The following CMIP variants were observed in gnomAD, a reference collection of about 807,000 sequenced individuals.
CMIP encodes C-Maf-inducing protein.
A neutral mutation model predicts 97.3 loss-of-function variants in CMIP; 13 were observed. The ratio of observed to expected loss-of-function variants is 0.13; its 90% CI spans 0.09 to 0.21. The LOEUF (loss-of-function observed/expected upper bound fraction) is 0.21. CMIP is among the 10% of genes least tolerant of loss of function. The pLI is 1.00. For synonymous variants in CMIP, 538 were observed against 436.3 expected (o/e 1.23, Z -2.91); for missense variants, 847 against 1,024.9 (o/e 0.83, Z 2.37).
chr16:81,575,301 G>C (rs947971671), intron 1 of CMIP, among the ~76,000 whole-genome samples: 2 of 152,148 alleles, frequency 1.3e-5, no homozygotes, highest in Non-Finnish European at 2.9e-5. Context: ...GGCTTTACCA[G>C]GCTCAGAACA....
chr16:81,646,302 G>A (rs2092364267), intron 3 of CMIP, among the ~76,000 whole-genome samples: 1 of 151,966 alleles, frequency 6.6e-6, no homozygotes, highest in Non-Finnish European at 1.5e-5. Context: ...GCAGATGGAT[G>A]GATGTGTGGG....
chr16:81,494,486 C>T (rs1391139121), intron 1 of CMIP, among the ~76,000 whole-genome samples: 1 of 152,182 alleles, frequency 6.6e-6, no homozygotes, highest in Admixed American at 6.5e-5. Flanking sequence ...CCAGGGACGG[C>T]CAGACAGCTC....
intron 1 of CMIP, among the ~76,000 whole-genome samples, chr16:81,584,018 G>A (rs1339308038): frequency 1.3e-5 from 2 of 152,226 alleles, no homozygotes; most frequent in Non-Finnish European, 2.9e-5. Context: ...GGAAGGTGTG[G>A]AGGAATTGAA....
intron 1 of CMIP, among the ~76,000 whole-genome samples, chr16:81,498,671 C>G (rs2089539251): frequency 6.6e-6 from 1 of 152,198 alleles, no homozygotes; most frequent in Non-Finnish European, 1.5e-5. Context: ...TGTGTGCATG[C>G]ATACACCCCA....
chr16:81,671,944 C>G (rs1402001034), intron 8 of CMIP, 22 bp from the exon 9 acceptor site: 1 of 1,422,342 alleles, frequency 7.0e-7, no homozygotes, highest in Non-Finnish European at 9.8e-7. Flanking sequence ...GCTTCTCACC[C>G]CAGCCCTCTG....
chr16:81,504,929 CACAG>C (rs1349871498), intron 1 of CMIP, among the ~76,000 whole-genome samples: 1 of 152,196 alleles, frequency 6.6e-6, no homozygotes, highest in Non-Finnish European at 1.5e-5. Flanking sequence ...GGTCTTTTCC[CACAG>C]ACAGTTTGGA....
intron 1 of CMIP, among the ~76,000 whole-genome samples, chr16:81,465,266 C>T (rs1432112632): frequency 1.3e-5 from 2 of 152,160 alleles, no homozygotes; most frequent in South Asian, 2.1e-4. Flanking sequence ...TCCATCCATA[C>T]TTGATGATGC....
chr16:81,555,326 C>A (rs902934600), intron 1 of CMIP, among the ~76,000 whole-genome samples: 5 of 151,968 alleles, frequency 3.3e-5, no homozygotes, highest in African/African-American at 9.7e-5. Flanking sequence ...AAATCAAGAA[C>A]CCCCCCTAGA....
At chr16:81,664,417 C>A in intron 7 of CMIP, 68 bp downstream of exon 7, 4 of 1,454,510 alleles carry the variant, frequency 2.8e-6, no homozygotes, top group Non-Finnish European at 3.8e-6. Flanking sequence ...GCCTCCCTGG[C>A]CTTTTGCGTT....
intron 5 of CMIP, among the ~76,000 whole-genome samples, chr16:81,658,521 G>T (rs2092510197): frequency 6.6e-6 from 1 of 152,220 alleles, no homozygotes; most frequent in Non-Finnish European, 1.5e-5. Flanking sequence ...CCCTGGGAAA[G>T]GAGCCAGAAA....
intron 1 of CMIP, among the ~76,000 whole-genome samples, chr16:81,539,997 T>C (rs999912926): frequency 6.6e-6 from 1 of 152,240 alleles, no homozygotes; most frequent in African/African-American, 2.4e-5. Context: ...TATTGGTGAA[T>C]GAGTGACAGA....
At chr16:81,505,459 C>T (rs570649617) in intron 1 of CMIP, among the ~76,000 whole-genome samples, 41 of 152,172 alleles carry the variant, frequency 2.7e-4, no homozygotes, top group Non-Finnish European at 4.4e-4. Context: ...TCAAAGGCAG[C>T]GGGGTCTGTG....
At chr16:81,562,448 A>T (rs1432226290) in intron 1 of CMIP, among the ~76,000 whole-genome samples, 7 of 152,204 alleles carry the variant, frequency 4.6e-5, no homozygotes, top group Non-Finnish European at 1.0e-4. Context: ...CCTCAAGCAA[A>T]TCCATTTGGG....
intron 10 of CMIP, among the ~76,000 whole-genome samples, chr16:81,689,989 G>T (rs898395214): frequency 6.6e-6 from 1 of 152,094 alleles, no homozygotes; most frequent in Non-Finnish European, 1.5e-5. Flanking sequence ...ATTTCTGAGG[G>T]CCCTGTTCTG....
rs570953258 is a variant in CMIP, at chr16:81,582,130, G to T, written c.301-25437G>T. On this transcript the variant is annotated intron_variant, in intron 1 of 20. Coordinates refer to ENST00000537098, the MANE Select transcript of CMIP (RefSeq NM_198390.3). ...CACTATCACGCCAACAATACCAAGAGGGATGGTATTAAATCCTGAGAAACT... is the reference window on the plus strand; with the variant it reads ...CACTATCACGCCAACAATACCAAGATGGATGGTATTAAATCCTGAGAAACT... Among the ~76,000 whole-genome samples the T allele has an allele frequency of 2.0e-5, 3 of 152,200 alleles. No individual in the cohort carries two copies. The East Asian group carries it at 5.8e-4, about 29-fold the overall frequency.
At chr16:81,590,490 G>A (rs2091450519) in intron 1 of CMIP, among the ~76,000 whole-genome samples, 1 of 152,232 alleles carries the variant, frequency 6.6e-6, no homozygotes, top group Admixed American at 6.5e-5. Context: ...CCAAGTGGAT[G>A]TGGGTGTCCC....
intron 3 of CMIP, among the ~76,000 whole-genome samples, chr16:81,635,511 C>G (rs918480054): frequency 1.2e-4 from 18 of 152,118 alleles, no homozygotes; most frequent in Admixed American, 1.0e-3. Flanking sequence ...GAGGGAAAAG[C>G]CAGATGCAGA....
At chr16:81,682,970 C>G (rs879151821) in intron 10 of CMIP, among the ~76,000 whole-genome samples, 1 of 152,200 alleles carries the variant, frequency 6.6e-6, no homozygotes, top group Admixed American at 6.5e-5. Flanking sequence ...CGAAGAAGAG[C>G]TTTGGGATTT....
chr16:81,688,098 G>C (rs1905618090), intron 10 of CMIP, among the ~76,000 whole-genome samples: 1 of 151,766 alleles, frequency 6.6e-6, no homozygotes, highest in Non-Finnish European at 1.5e-5. Context: ...GTCTTCCCAG[G>C]GTCGGATGGG....
Sources: gnomAD v4.1 joint callset for allele counts (sites outside exome capture counted in the v4.1 genomes callset) on GRCh38, gnomAD v4.1.1 for gene constraint, MANE v1.5 for transcripts, NCBI Gene and HGNC (gene_info 2026-07-23, HGNC 2026-07-21) for gene names.